CLASP1: variants seen among roughly 807,000 people sequenced by gnomAD.
CLASP1 encodes the protein cytoplasmic linker associated protein 1, also known as CLIP-associating protein 1.
In CLASP1, 38 loss-of-function variants were observed where a neutral mutation model predicts 192.3. That is an observed-to-expected ratio of 0.20 (90% CI 0.15 to 0.26). CLASP1 has a LOEUF of 0.26. Among genes scored for constraint, CLASP1 ranks in the 10% least tolerant of loss-of-function variants. CLASP1 has a pLI of 1.00. For synonymous variants in CLASP1, 691 were observed against 712.8 expected, an observed-to-expected ratio of 0.97 and a Z score of 0.49; for missense variants, 1,433 against 1,932.5, an observed-to-expected ratio of 0.74 and a Z score of 4.85.
intron 8 of CLASP1, among the ~76,000 whole-genome samples, chr2:121,496,668 C>A (rs1278902790): frequency 1.3e-5 from 2 of 152,148 alleles, no homozygotes; most frequent in Non-Finnish European, 2.9e-5. Flanking sequence ...TGAGCAAAAA[C>A]AGGCACACAG....
At chr2:121,644,594 G>A (rs920372843) in intron 1 of CLASP1, among the ~76,000 whole-genome samples, 14 of 152,204 alleles carry the variant, frequency 9.2e-5, no homozygotes, top group African/African-American at 2.9e-4. Context: ...GATGGAGGCT[G>A]CAGTGAGCTG....
At position 121,407,602 on chromosome 2, in the gene CLASP1, G is replaced by A. The variant is rs775582460; in HGVS notation, c.2538C>T (p.Gly846=). The A allele has an allele frequency of 6.8e-6, 11 of 1,613,868 alleles. No individual in the cohort carries two copies. The highest frequency in any genetic ancestry group is 9.3e-6 in the Non-Finnish European group (11 of 1,179,890). The change falls in exon 25 of 40, where the codon GGC becomes GGT. Residue 846 remains glycine, a synonymous_variant. Coordinates refer to ENST00000263710, the Ensembl canonical transcript of CLASP1. ...CAGTCTGCCGCAGATAATGGGGAAT[G>A]CCACCATTCCTGGAGCCATATGAGC...
intron 10 of CLASP1, among the ~76,000 whole-genome samples, chr2:121,462,188 A>T (rs992588843): frequency 6.6e-6 from 1 of 151,806 alleles, no homozygotes; most frequent in African/African-American, 2.4e-5. Context: ...CTTTTCAGAC[A>T]CCAAAATCCT....
At chr2:121,460,444 G>T (rs973985709) in intron 11 of CLASP1, among the ~76,000 whole-genome samples, 3 of 151,900 alleles carry the variant, frequency 2.0e-5, no homozygotes, top group Non-Finnish European at 4.4e-5. Context: ...AAAACTTTTG[G>T]CTTGTGAAAA....
At chr2:121,560,495 A>T (rs1032527247) in intron 2 of CLASP1, among the ~76,000 whole-genome samples, 1 of 152,252 alleles carries the variant, frequency 6.6e-6, no homozygotes, top group Non-Finnish European at 1.5e-5. Flanking sequence ...TTTAAGTTTT[A>T]AACACACATA....
At chr2:121,615,212 G>A (rs1036032488) in intron 1 of CLASP1, among the ~76,000 whole-genome samples, 9 of 152,200 alleles carry the variant, frequency 5.9e-5, no homozygotes, top group Admixed American at 1.3e-4. Flanking sequence ...TAGGGCGCAC[G>A]CCTGTAATCC....
chr2:121,475,991 G>T (rs1392173268), intron 8 of CLASP1, among the ~76,000 whole-genome samples: 1 of 152,112 alleles, frequency 6.6e-6, no homozygotes, highest in East Asian at 1.9e-4. Context: ...ACTTAAAAAT[G>T]ACTCATGAAA....
rs776334075 is a variant in CLASP1, at chr2:121,387,129, A to T, written c.3367T>A (p.Ser1123Thr). 3.7e-6 allele frequency: 6 copies of T among 1,613,288 alleles called. No individual in the cohort carries two copies. In the African/African-American group the frequency reaches 8.0e-5, roughly 22 times the overall value. ...GTAAAGAAGTGACCTTACCTTGGAG[A>T]CAGACCCCCATGGGAACAGTTGGTG... Residue 1123 changes from serine (S) to threonine (T), a missense_variant, in exon 32 of 40, where the codon TCT (serine) becomes ACT (threonine). Physicochemically the swap from Ser to Thr is moderately conservative, Grantham distance 58. Transcript: ENST00000263710.
chr2:121,636,542 G>A (rs1475280891), intron 1 of CLASP1, among the ~76,000 whole-genome samples: 1 of 151,770 alleles, frequency 6.6e-6, no homozygotes, highest in Non-Finnish European at 1.5e-5. Context: ...GCTCATGCCT[G>A]TAATCCCAGC....
chr2:121,608,612 A>C (rs1453191364), intron 1 of CLASP1, among the ~76,000 whole-genome samples: 2 of 152,198 alleles, frequency 1.3e-5, no homozygotes, highest in Non-Finnish European at 2.9e-5. Context: ...TCCAGTCGTC[A>C]TCCGACTGCA....
chr2:121,504,171 G>C (rs947454967), intron 7 of CLASP1, among the ~76,000 whole-genome samples: 1 of 151,444 alleles, frequency 6.6e-6, no homozygotes, highest in Non-Finnish European at 1.5e-5. Context: ...GACAGAGGCT[G>C]CAATGAGCCG....
intron 1 of CLASP1, among the ~76,000 whole-genome samples, chr2:121,648,273 T>A (rs1208782970): frequency 5.9e-5 from 9 of 152,204 alleles, no homozygotes. Flanking sequence ...CCAAGGTACA[T>A]GGCGGCATGA....
intron 34 of CLASP1, among the ~76,000 whole-genome samples, chr2:121,371,773 C>G (rs1028022133): frequency 6.6e-6 from 1 of 152,212 alleles, no homozygotes; most frequent in Non-Finnish European, 1.5e-5. Flanking sequence ...CACGTCCCCA[C>G]GTCCTGAAGG....
intron 2 of CLASP1, chr2:121,530,610 G>GCGGTCCCGCCCCCGC (rs2094755929): frequency 1.9e-6 from 1 of 528,394 alleles, no homozygotes; most frequent in African/African-American, 1.9e-5. Context: ...AGAGCGCGCC[G>GCGGTCCCGCCCCCGC]CGGTCCCGCC....
chr2:121,495,953 G>A (rs2093514569), intron 8 of CLASP1, among the ~76,000 whole-genome samples: 1 of 152,154 alleles, frequency 6.6e-6, no homozygotes, highest in Non-Finnish European at 1.5e-5. Flanking sequence ...AGCAAATGTG[G>A]TTCACAAGAG....
chr2:121,456,834 A>T (rs2086769646), intron 14 of CLASP1, among the ~76,000 whole-genome samples: 1 of 152,140 alleles, frequency 6.6e-6, no homozygotes, highest in African/African-American at 2.4e-5. Context: ...CAAGACACAC[A>T]GCTAAGGGAA....
rs10202557 is a variant in CLASP1 at position 121,470,263 on chromosome 2, C to T, written c.713-303G>A. On this transcript the variant is annotated intron_variant, in intron 8 of 39. Coordinates refer to ENST00000263710, the Ensembl canonical transcript of CLASP1. ...ACCACCACCTTGAAACAGTTATTTT[C>T]ACATTCTGCAACATTTCTGACCATC... is the stretch of plus-strand genomic sequence containing the variant. 3.7e-3 allele frequency: 1,796 copies of T among 491,514 alleles called. 31 individuals carry two copies. Among genetic ancestry groups the T allele is most frequent in the African/African-American group, 0.032 (1,593 of 49,404 alleles). 30.4% of individuals were successfully genotyped at this position (491,514 alleles called of 1,614,324 possible). A position where few individuals can be genotyped will look rare whatever the true frequency, so the allele number is the denominator to read the frequency against.
At chr2:121,646,856 T>C (rs992544756) in intron 1 of CLASP1, among the ~76,000 whole-genome samples, 15 of 149,174 alleles carry the variant, frequency 1.0e-4, no homozygotes, top group Admixed American at 7.4e-4. Context: ...GCTAACACGG[T>C]GAAACCCCGT....
At position 121,383,505 on chromosome 2, in the gene CLASP1, G is replaced by A. The variant is rs553504013; in HGVS notation, c.3375-1181C>T. ...AAGGAGTGGCAGAACACCCACCTCC[G>A]AGTGTGGGGTGGGGTCTCCCTGTTA... On this transcript the variant is annotated intron_variant, in intron 32 of 39. Transcript: ENST00000263710. Among the ~76,000 whole-genome samples the A allele has an allele frequency of 5.3e-5, 8 of 152,148 alleles. No individual in the cohort carries two copies. In the South Asian group the frequency reaches 1.2e-3, roughly 24 times the overall value.
Sources: gnomAD v4.1 joint callset for allele counts (sites outside exome capture counted in the v4.1 genomes callset) on GRCh38, gnomAD v4.1.1 for gene constraint, MANE v1.5 for transcripts, NCBI Gene and HGNC (gene_info 2026-07-23, HGNC 2026-07-21) for gene names.